QKI: variants seen among roughly 807,000 people sequenced by gnomAD.
The protein encoded by QKI is QKI, KH domain containing RNA binding.
In QKI, 10 loss-of-function variants were observed where a neutral mutation model predicts 39.0. That is an observed-to-expected ratio of 0.26 (90% CI 0.16 to 0.43). The LOEUF is 0.43. Ranked by LOEUF, QKI falls within the 20% of genes least tolerant of loss-of-function variation. The pLI is 1.00. For missense variants in QKI, 218 were observed against 428.0 expected (o/e 0.51, Z 4.33); for synonymous variants, 204 against 155.4 (o/e 1.31, Z -2.33).
At chr6:163,433,613 A>G (rs897549581) in intron 1 of QKI, among the ~76,000 whole-genome samples, 2 of 152,070 alleles carry the variant, frequency 1.3e-5, no homozygotes, top group African/African-American at 2.4e-5. Flanking sequence ...AAAAATATAC[A>G]AAAATTAGCC....
intron 3 of QKI, among the ~76,000 whole-genome samples, chr6:163,492,713 GATT>G (rs1410522461): frequency 7.9e-5 from 12 of 152,074 alleles, no homozygotes. Context: ...TAACTAATAA[GATT>G]AATGTTTGAA....
At chr6:163,565,094 T>A (rs1427200508) in intron 6 of QKI, 3 of 1,029,060 alleles carry the variant, frequency 2.9e-6, no homozygotes, top group Non-Finnish European at 3.5e-6. Flanking sequence ...GTTTTCTGTT[T>A]AAATCATTGT....
At chr6:163,451,283 G>C (rs929777191) in intron 1 of QKI, among the ~76,000 whole-genome samples, 3 of 152,164 alleles carry the variant, frequency 2.0e-5, no homozygotes, top group Admixed American at 6.6e-5. Context: ...TATGGATGGG[G>C]CAGAGTTTGG....
intron 3 of QKI, among the ~76,000 whole-genome samples, chr6:163,488,118 A>G (rs1777793009): frequency 6.6e-6 from 1 of 152,108 alleles, no homozygotes; most frequent in South Asian, 2.1e-4. Context: ...TTCATTGAAG[A>G]TATTATTTTT....
At chr6:163,494,015 C>T (rs1042905240) in intron 3 of QKI, among the ~76,000 whole-genome samples, 2 of 152,108 alleles carry the variant, frequency 1.3e-5, no homozygotes, top group African/African-American at 4.8e-5. Flanking sequence ...AGAATAATTA[C>T]AAGGCTAACA....
intron 6 of QKI, chr6:163,566,033 C>T: frequency 6.3e-7 from 1 of 1,591,380 alleles, no homozygotes; most frequent in Non-Finnish European, 8.6e-7. Context: ...TGCTTAGTCT[C>T]AGCAGCCTCC....
chr6:163,510,870 C>T (rs944429616), intron 3 of QKI, among the ~76,000 whole-genome samples: 2 of 149,798 alleles, frequency 1.3e-5, no homozygotes, highest in South Asian at 2.1e-4. Context: ...ACTCTTTCAG[C>T]AACTAATAAA....
intron 2 of QKI, among the ~76,000 whole-genome samples, chr6:163,469,372 A>G (rs1371543286): frequency 1.3e-5 from 2 of 152,060 alleles, no homozygotes; most frequent in Non-Finnish European, 2.9e-5. Context: ...TTCATAATGC[A>G]TTTTTCCAGA....
intron 1 of QKI, among the ~76,000 whole-genome samples, chr6:163,444,230 A>C (rs1210923675): frequency 2.0e-5 from 3 of 152,208 alleles, no homozygotes; most frequent in South Asian, 2.1e-4. Context: ...AATTCTCTGT[A>C]AGAAGACAAA....
At chr6:163,521,778 C>T (rs1780177063) in intron 3 of QKI, among the ~76,000 whole-genome samples, 1 of 152,152 alleles carries the variant, frequency 6.6e-6, no homozygotes. Flanking sequence ...ACCTCAGCCT[C>T]CCAAAGTGCT....
In QKI at chr6:163,573,831, T is replaced by A. The variant is rs556773764; in HGVS notation, c.*3121T>A. 42 of 152,330 alleles carry A rather than the reference T, an allele frequency of 2.8e-4. No individual in the cohort carries two copies. Among genetic ancestry groups the A allele is most frequent in the Admixed American group, 7.8e-4 (12 of 15,300 alleles). The allele number at this position is 152,330 out of a possible 1,614,324, so 9.4% of individuals were successfully genotyped here. On this transcript the variant is annotated 3_prime_UTR_variant, in exon 8 of 8. Coordinates refer to ENST00000361752, the MANE Select transcript of QKI (RefSeq NM_006775.3). ...GACTTTGTCTGTTTATTAACCTTTA[T>A]ATGTTTAATTAAAATAAACAAATAA...
intron 3 of QKI, among the ~76,000 whole-genome samples, chr6:163,484,346 T>A (rs1793310398): frequency 6.6e-6 from 1 of 152,074 alleles, no homozygotes; most frequent in African/African-American, 2.4e-5. Context: ...GTTAGAGGCA[T>A]GCACCACCAC....
intron 1 of QKI, among the ~76,000 whole-genome samples, chr6:163,435,153 G>A (rs1361471340): frequency 1.3e-5 from 2 of 152,118 alleles, no homozygotes; most frequent in South Asian, 2.1e-4. Flanking sequence ...AAAACATAAA[G>A]CATGACATTT....
At chr6:163,509,631 C>T (rs1364720820) in intron 3 of QKI, among the ~76,000 whole-genome samples, 1 of 151,928 alleles carries the variant, frequency 6.6e-6, no homozygotes, top group East Asian at 1.9e-4. Flanking sequence ...ATTGTATCCC[C>T]TATAGCAATA....
At chr6:163,427,312 T>C (rs114800877) in intron 1 of QKI, among the ~76,000 whole-genome samples, 2 of 150,390 alleles carry the variant, frequency 1.3e-5, no homozygotes, top group African/African-American at 4.9e-5. Context: ...GACATACTTA[T>C]TTGCTTTATT....
At chr6:163,556,248 C>G (rs1325418413) in intron 4 of QKI, among the ~76,000 whole-genome samples, 4 of 152,170 alleles carry the variant, frequency 2.6e-5, no homozygotes, top group African/African-American at 9.7e-5. Context: ...CACAGTGGCT[C>G]ACGCCTGTAG....
At chr6:163,557,195 G>A (rs546799388) in intron 4 of QKI, among the ~76,000 whole-genome samples, 81 of 152,178 alleles carry the variant, frequency 5.3e-4, no homozygotes, top group Non-Finnish European at 1.1e-3. Flanking sequence ...CATACTGAGG[G>A]AAAGAAATTG....
chr6:163,503,928 A>G (rs571273740), intron 3 of QKI, among the ~76,000 whole-genome samples: 62 of 151,868 alleles, frequency 4.1e-4, no homozygotes, highest in African/African-American at 1.4e-3. Context: ...ATTTTAGTAG[A>G]GATGGGGTTT....
intron 4 of QKI, among the ~76,000 whole-genome samples, chr6:163,541,952 A>G (rs918212576): frequency 4.0e-5 from 6 of 151,822 alleles, no homozygotes; most frequent in East Asian, 3.9e-4. Flanking sequence ...TTTGCATTTT[A>G]TGTGTTTAAC....
Sources: allele counts gnomAD v4.1 joint callset (sites outside exome capture counted in the v4.1 genomes callset), GRCh38; gene constraint gnomAD v4.1.1; transcripts MANE v1.5; gene names NCBI Gene and HGNC (gene_info 2026-07-23, HGNC 2026-07-21).